The following MCTP1 variants were observed in gnomAD, a reference collection of about 807,000 sequenced individuals.
The protein encoded by MCTP1 is multiple C2 and transmembrane domain-containing protein 1.
Under a neutral mutation model 120.6 loss-of-function variants are expected in MCTP1, and 69 were observed. The ratio of observed to expected loss-of-function variants is 0.57; its 90% CI spans 0.47 to 0.70. MCTP1 has a LOEUF of 0.70. Ranked by LOEUF, MCTP1 falls within the 30% of genes least tolerant of loss-of-function variation. MCTP1 has a pLI of 0.00. For synonymous variants in MCTP1, 529 were observed against 493.1 expected, an observed-to-expected ratio of 1.07 and a Z score of -0.96; for missense variants, 1,203 against 1,248.8, an observed-to-expected ratio of 0.96 and a Z score of 0.55.
At chr5:94,740,029 C>CT (rs1412594030) in intron 19 of MCTP1, among the ~76,000 whole-genome samples, 1 of 152,122 alleles carries the variant, frequency 6.6e-6, no homozygotes, top group East Asian at 1.9e-4. Flanking sequence ...ACATGAAGTG[C>CT]TACAGTAATT....
At position 95,017,496 on chromosome 5, in the gene MCTP1, G is replaced by T; in HGVS notation, c.721-12C>A. The T allele has an allele frequency of 6.5e-7, 1 of 1,527,820 alleles. No homozygotes were observed. The highest frequency in any genetic ancestry group is 2.3e-5 in the East Asian group (1 of 43,714). 94.6% of individuals were successfully genotyped at this position (1,527,820 alleles called of 1,614,324 possible). On this transcript the variant is annotated splice_polypyrimidine_tract_variant and intron_variant, in intron 1 of 22. Coordinates refer to ENST00000515393, the MANE Select transcript of MCTP1 (RefSeq NM_024717.7). Reference sequence around the variant, plus strand: ...GTGTTTATTATTTTCTGGAAAACACGAAATATAAAAAATATTAAATTTATT... The same window carrying T: ...GTGTTTATTATTTTCTGGAAAACACTAAATATAAAAAATATTAAATTTATT...
At chr5:95,275,491 T>A (rs1273348032) in intron 1 of MCTP1, among the ~76,000 whole-genome samples, 2 of 152,154 alleles carry the variant, frequency 1.3e-5, no homozygotes, top group Non-Finnish European at 2.9e-5. Context: ...GAGTTTGGAG[T>A]TTGAAATCCC....
At position 94,931,981 on chromosome 5, in the gene MCTP1, A is replaced by G. The variant is rs991447897; in HGVS notation, c.1184T>C (p.Met395Thr). 6.3e-7 allele frequency: 1 copy of G among 1,599,312 alleles called. No homozygotes were observed. The highest frequency in any genetic ancestry group is 1.3e-5 in the African/African-American group (1 of 74,548). The change falls in exon 6 of 23, where the codon ATG becomes ACG. Residue 395 changes from methionine (M) to threonine (T), a missense_variant. Met to Thr is a moderately conservative substitution (Grantham distance 81, BLOSUM62 -1). Around this residue, in one of 2 missense-constraint regions of MCTP1, gnomAD observed 740 missense variants for 871.1 expected, o/e 0.85. Transcript: ENST00000515393. Reference sequence around the variant, plus strand: ...ACTTGATCTTTTCCAACTCTTCCTCATTAGCATTGTCTGTAAATAAAATAA... The same window carrying G: ...ACTTGATCTTTTCCAACTCTTCCTCGTTAGCATTGTCTGTAAATAAAATAA... ...EGESRDVTMLMRKSWKRSSKE... is the reference protein window; with the variant it reads ...EGESRDVTMLTRKSWKRSSKE...
intron 1 of MCTP1, among the ~76,000 whole-genome samples, chr5:95,188,876 C>T (rs1749527389): frequency 6.6e-6 from 1 of 152,098 alleles, no homozygotes; most frequent in South Asian, 2.1e-4. Flanking sequence ...ATAACAATGT[C>T]AATTCCTGGT....
intron 4 of MCTP1, among the ~76,000 whole-genome samples, chr5:94,941,202 T>C (rs750864811): frequency 6.6e-5 from 10 of 152,022 alleles, no homozygotes; most frequent in Non-Finnish European, 1.3e-4. Flanking sequence ...TAAGAGAAAG[T>C]ACCTGTGAGG....
intron 1 of MCTP1, among the ~76,000 whole-genome samples, chr5:95,245,247 CA>C (rs1756625678): frequency 6.6e-6 from 1 of 152,162 alleles, no homozygotes; most frequent in Admixed American, 6.5e-5. Flanking sequence ...CTGAACATTC[CA>C]AAAAACAGAG....
At position 94,894,690 on chromosome 5, in the gene MCTP1, G is replaced by A. The variant is rs1803482962; in HGVS notation, c.1798C>T (p.Leu600=). 1 of 1,612,412 alleles carries A rather than the reference G, an allele frequency of 6.2e-7. No homozygotes were observed. Among genetic ancestry groups the A allele is most frequent in the Non-Finnish European group, 8.5e-7 (1 of 1,178,666 alleles). Residue 600 remains leucine, a synonymous_variant, in exon 11 of 23, where the codon CTG becomes TTG. Coordinates refer to ENST00000515393, the MANE Select transcript of MCTP1 (RefSeq NM_024717.7). ...VSISDLSVNS[L]EDQKEREEIL... ...TCCTCTCGTTCCTTCTGGTCCTCCA[G>A]GGAGTTGACAGACAGGTCAGAGATG...
chr5:95,244,845 A>G (rs1408929138), intron 1 of MCTP1, among the ~76,000 whole-genome samples: 2 of 152,224 alleles, frequency 1.3e-5, no homozygotes, highest in Admixed American at 6.5e-5. Context: ...AGGTTCTCTC[A>G]GCATGGCGTT....
chr5:95,027,055 C>T (rs899856595), intron 1 of MCTP1, among the ~76,000 whole-genome samples: 9 of 152,054 alleles, frequency 5.9e-5, no homozygotes, highest in Non-Finnish European at 1.3e-4. Context: ...ACCTAATTTT[C>T]AAAAACAGAA....
At chr5:95,122,453 C>T (rs1316168420) in intron 1 of MCTP1, among the ~76,000 whole-genome samples, 1 of 152,116 alleles carries the variant, frequency 6.6e-6, no homozygotes, top group African/African-American at 2.4e-5. Context: ...AATGAGATAT[C>T]ATCTCACCCC....
At chr5:94,718,873 C>T (rs970742587) in intron 19 of MCTP1, among the ~76,000 whole-genome samples, 2 of 152,134 alleles carry the variant, frequency 1.3e-5, no homozygotes, top group African/African-American at 4.8e-5. Flanking sequence ...GCATGTGCCA[C>T]CACACCTGGC....
intron 3 of MCTP1, among the ~76,000 whole-genome samples, chr5:94,948,839 G>T (rs1348714101): frequency 6.6e-6 from 1 of 152,078 alleles, no homozygotes; most frequent in Non-Finnish European, 1.5e-5. Context: ...TACAACCAGG[G>T]ATGAGAATCA....
chr5:94,759,953 A>C (rs1262950952), intron 19 of MCTP1, among the ~76,000 whole-genome samples: 3 of 146,670 alleles, frequency 2.0e-5, no homozygotes, highest in Non-Finnish European at 4.5e-5. Flanking sequence ...AATACTTAGC[A>C]ACCATTTTAC....
intron 17 of MCTP1, among the ~76,000 whole-genome samples, chr5:94,851,839 G>A (rs1793797244): frequency 6.6e-6 from 1 of 151,910 alleles, no homozygotes; most frequent in Admixed American, 6.6e-5. Context: ...TAATAAATGT[G>A]TGTAATAGAA....
intron 2 of MCTP1, among the ~76,000 whole-genome samples, chr5:95,015,952 C>A (rs1581853450): frequency 6.6e-6 from 1 of 151,956 alleles, no homozygotes; most frequent in South Asian, 2.1e-4. Flanking sequence ...ACTGAGAGTA[C>A]TTTGAAAACT....
chr5:94,906,466 A>G (rs1476484515), intron 10 of MCTP1, among the ~76,000 whole-genome samples: 1 of 152,158 alleles, frequency 6.6e-6, no homozygotes, highest in South Asian at 2.1e-4. Flanking sequence ...AGCCTGGGCG[A>G]CAGATCGAGA....
chr5:94,863,742 G>GGA (rs1187517343), intron 17 of MCTP1, among the ~76,000 whole-genome samples: 2 of 151,752 alleles, frequency 1.3e-5, no homozygotes, highest in Admixed American at 1.3e-4. Flanking sequence ...GTGTACTGTA[G>GGA]GAGCCTATTG....
At chr5:95,025,771 C>A (rs1220876647) in intron 1 of MCTP1, among the ~76,000 whole-genome samples, 2 of 152,124 alleles carry the variant, frequency 1.3e-5, no homozygotes, top group East Asian at 3.9e-4. Flanking sequence ...GAGGGTAGGA[C>A]CCAGCCTGAT....
At chr5:94,708,390 C>T (rs889697185) in intron 22 of MCTP1, 122 bp downstream of exon 22, 8 of 604,100 alleles carry the variant, frequency 1.3e-5, no homozygotes, top group South Asian at 2.5e-5. Flanking sequence ...ATCTGCTACA[C>T]AGGCTTTATT....
Sources: allele counts gnomAD v4.1 joint callset (sites outside exome capture counted in the v4.1 genomes callset), GRCh38; gene constraint gnomAD v4.1.1; regional missense constraint gnomAD v4.1.1; transcripts MANE v1.5; gene names NCBI Gene and HGNC (gene_info 2026-07-23, HGNC 2026-07-21).